TMEM94: variants seen among roughly 807,000 people sequenced by gnomAD.
The protein encoded by TMEM94 is transmembrane protein 94.
In TMEM94, 81 loss-of-function variants were observed where a neutral mutation model predicts 158.6. The ratio of observed to expected loss-of-function variants is 0.51; its 90% confidence interval spans 0.43 to 0.61. TMEM94 has a LOEUF of 0.61. Ranked by LOEUF, TMEM94 falls within the 20% of genes least tolerant of loss-of-function variation. The pLI is 0.00. For missense variants in TMEM94, 1,435 were observed against 1,762.0 expected (o/e 0.81, Z 3.32); for synonymous variants, 751 against 730.7 (o/e 1.03, Z -0.45).
intron 2 of TMEM94, among the ~76,000 whole-genome samples, chr17:75,484,469 G>A (rs1216567856): frequency 6.6e-6 from 1 of 151,990 alleles, no homozygotes; most frequent in East Asian, 2.0e-4. Context: ...CACAATCACA[G>A]CTCACTACGA....
chr17:75,458,529 A>C (rs370503662), intron 1 of TMEM94, among the ~76,000 whole-genome samples: 7 of 151,796 alleles, frequency 4.6e-5, no homozygotes, highest in African/African-American at 1.7e-4. Flanking sequence ...CACTGACAAG[A>C]AAACCAAAAA....
chr17:75,483,530 G>T (rs1178354020), intron 2 of TMEM94, among the ~76,000 whole-genome samples: 2 of 149,348 alleles, frequency 1.3e-5, no homozygotes, highest in Non-Finnish European at 3.0e-5. Context: ...GCGTGATCTT[G>T]GCTCACTGCA....
chr17:75,462,011 G>GTTTTTTTTTTT (rs1156728166), intron 1 of TMEM94, among the ~76,000 whole-genome samples: 11 of 92,864 alleles, frequency 1.2e-4, no homozygotes, highest in African/African-American at 5.5e-4. Context: ...GTTTTGTTTT[G>GTTTTTTTTTTT]TTTTTTTTTT....
Position 75,495,851 on chromosome 17 carries a change from T to C in TMEM94, c.2945-115T>C. On this transcript the variant is annotated intron_variant, in intron 22 of 31. Transcript: ENST00000314256. This position sits in a 1 kb window ranked among gnomAD's most constrained non-coding sequence, Gnocchi z 5.6. ...TCCCGCTGCCGGGGGTGGGATTGTT[T>C]CAAAGAGGGGCCCACCTCCCATCGC... 1.2e-6 allele frequency: 1 copy of C among 859,422 alleles called. No individual in the cohort carries two copies. Among genetic ancestry groups the C allele is most frequent in the Admixed American group, 2.2e-5 (1 of 44,522 alleles). 53.2% of individuals were successfully genotyped at this position (859,422 alleles called of 1,614,324 possible). A position where few individuals can be genotyped will look rare whatever the true frequency, so the allele number is the denominator to read the frequency against.
chr17:75,499,165 T>C (rs1312972542), intron 31 of TMEM94, 83 bp downstream of exon 31: 1 of 1,589,072 alleles, frequency 6.3e-7, no homozygotes, highest in African/African-American at 1.3e-5. Context: ...TCCCCCACCT[T>C]TCCGCTGCCC....
rs773641853 is a variant in TMEM94, at chr17:75,498,706, G to C, written c.3811G>C (p.Val1271Leu). ...CCCCTTGACCAACCTCTGGTGGGCC[G>C]TGACAGTGCCTGTGGTGTGAGTATT... The part of the protein sequence containing the change: ...KSPLTNLWWA[V>L]TVPVVLLGQV... The change falls in exon 30 of 32, where the codon GTG becomes CTG. Residue 1271 changes from valine to leucine, a missense_variant. By Grantham distance (32) the Val-to-Leu change is conservative (BLOSUM62 1). Around this residue, in one of 3 missense-constraint regions of TMEM94, gnomAD observed 335 missense variants for 409.1 expected, o/e 0.82. Transcript: ENST00000314256. This position sits in a 1 kb window ranked among gnomAD's most constrained non-coding sequence, Gnocchi z 6.7. The C allele has an allele frequency of 6.4e-7, 1 of 1,571,366 alleles. No individual in the cohort carries two copies. The highest frequency in any genetic ancestry group is 2.2e-5 in the East Asian group (1 of 44,546).
chr17:75,472,515 G>A (rs2050538272), intron 2 of TMEM94, among the ~76,000 whole-genome samples: 1 of 152,212 alleles, frequency 6.6e-6, no homozygotes, highest in East Asian at 1.9e-4. Flanking sequence ...AAGTCCTTTT[G>A]TCTCTTGCCT....
intron 2 of TMEM94, among the ~76,000 whole-genome samples, chr17:75,481,049 G>A (rs140767172): frequency 1.3e-5 from 2 of 152,198 alleles, no homozygotes; most frequent in South Asian, 2.1e-4. Context: ...AGGAACAGAC[G>A]TCCATGCCCA....
chr17:75,494,810 T>G lies in TMEM94; in HGVS notation c.2589+2T>G, dbSNP rs1598427258. On this transcript the variant is annotated splice_donor_variant, in intron 19 of 31. Coordinates refer to ENST00000314256, the MANE Select transcript of TMEM94 (RefSeq NM_014738.6). LOFTEE classifies it high-confidence loss of function. ...TTGGAGGATGAGCTCAAAAGCAAGG[T>G]GGGGAGAGCCATCCCTTCTGCCACC... is the stretch of plus-strand genomic sequence containing the variant. 2 of 1,613,314 alleles carry G rather than the reference T, an allele frequency of 1.2e-6. No homozygotes were observed. The highest frequency in any genetic ancestry group is 1.6e-4 in the Middle Eastern group (1 of 6,062).
chr17:75,460,727 G>T (rs1340658429), intron 1 of TMEM94, among the ~76,000 whole-genome samples: 1 of 152,036 alleles, frequency 6.6e-6, no homozygotes, highest in East Asian at 1.9e-4. Flanking sequence ...GCCCAGGCTG[G>T]TCTCAAACTC....
Position 75,495,280 on chromosome 17 carries a change from A to G in TMEM94, c.2729-4A>G, listed in dbSNP as rs11650485. ...AGGTGAGGGAGAGGCTTTTGTCCCCACAGTGTCCCGAGATGATGCAGAAGG... is the reference window on the plus strand; with the variant it reads ...AGGTGAGGGAGAGGCTTTTGTCCCCGCAGTGTCCCGAGATGATGCAGAAGG... On this transcript the variant is annotated splice_polypyrimidine_tract_variant and splice_region_variant and intron_variant, in intron 20 of 31. Transcript: ENST00000314256. This position sits in a 1 kb window ranked among gnomAD's most constrained non-coding sequence, Gnocchi z 5.6. 821 of 1,596,574 alleles carry G rather than the reference A, an allele frequency of 5.1e-4. 18 individuals carry two copies. The East Asian group carries it at 0.018, about 36-fold the overall frequency.
At position 75,487,635 on chromosome 17, in the gene TMEM94, A is replaced by G. The variant is rs573585349; in HGVS notation, c.410-297A>G. On this transcript the variant is annotated intron_variant, in intron 5 of 31. Coordinates refer to ENST00000314256, the MANE Select transcript of TMEM94 (RefSeq NM_014738.6). This position sits in a 1 kb window ranked among gnomAD's most constrained non-coding sequence, Gnocchi z 4.6. ...AGCTATGTTGTTGTCTCCACCTTGC[A>G]CCCCTCACAGGCCCTCTGCAATGTT... is the stretch of plus-strand genomic sequence containing the variant. Among the ~76,000 whole-genome samples, 1 of 152,082 alleles carries G rather than the reference A, an allele frequency of 6.6e-6. No individual in the cohort carries two copies. Among genetic ancestry groups the G allele is most frequent in the East Asian group, 1.9e-4 (1 of 5,174 alleles).
chr17:75,496,545 C>T, intron 24 of TMEM94, 74 bp downstream of exon 24: 2 of 1,525,396 alleles, frequency 1.3e-6, no homozygotes, highest in Non-Finnish European at 1.8e-6. Flanking sequence ...CAGCAAAGGA[C>T]CTGTTTGAAC....
At chr17:75,469,757 C>T (rs1002850670) in intron 1 of TMEM94, among the ~76,000 whole-genome samples, 31 of 151,834 alleles carry the variant, frequency 2.0e-4, no homozygotes, top group Admixed American at 2.0e-4. Context: ...TCATGACCAG[C>T]CTGAGCAACA....
rs748014548 is a variant in TMEM94 at position 75,490,695 on chromosome 17, C to T, written c.1072-7C>T. On this transcript the variant is annotated splice_polypyrimidine_tract_variant and splice_region_variant and intron_variant, in intron 10 of 31. Coordinates refer to ENST00000314256, the MANE Select transcript of TMEM94 (RefSeq NM_014738.6). ...CTCACTGAGGACCTCACCCTCTCTCCGTGCAGCTGGCTAAGTTCTCAGAGG... is the reference window on the plus strand; with the variant it reads ...CTCACTGAGGACCTCACCCTCTCTCTGTGCAGCTGGCTAAGTTCTCAGAGG... 94 of 1,613,698 alleles carry T rather than the reference C, an allele frequency of 5.8e-5. 1 individual carries two copies. Among genetic ancestry groups the T allele is most frequent in the Middle Eastern group, 4.9e-4 (3 of 6,084 alleles).
rs1341907274 is a variant in TMEM94, at chr17:75,491,138, C to T, written c.1218C>T (p.Ser406=). Residue 406 remains serine (S), a synonymous_variant, in exon 12 of 32, where the codon AGC becomes AGT. Coordinates refer to ENST00000314256, the MANE Select transcript of TMEM94 (RefSeq NM_014738.6). This position sits in a 1 kb window ranked among gnomAD's most constrained non-coding sequence, Gnocchi z 5.1. The part of the protein sequence containing the change: ...TLSHSSSLLH[S]LGSVTVLCCV... ...GCCACAGTTCCAGCCTGCTGCACAG[C>T]CTGGGCTCTGTCACGGTGAGGGTGG... The T allele has an allele frequency of 6.2e-7, 1 of 1,611,250 alleles. No homozygotes were observed. The highest frequency in any genetic ancestry group is 2.2e-5 in the East Asian group (1 of 44,826).
At chr17:75,478,236 C>T (rs1423719864) in intron 2 of TMEM94, among the ~76,000 whole-genome samples, 1 of 140,122 alleles carries the variant, frequency 7.1e-6, no homozygotes, top group Non-Finnish European at 1.5e-5. Flanking sequence ...CCGGGATGGT[C>T]TCGATCTCCT....
Position 75,463,178 on chromosome 17 carries a change from G to GTGTGTATATA in TMEM94, c.-107+6428_-107+6429insGTGTATATAT, listed in dbSNP as rs1180723796. On this transcript the variant is annotated intron_variant, in intron 1 of 31. Transcript: ENST00000314256. The stretch of plus-strand genomic sequence containing the variant: ...TATATATATGTGTGTGTGTGTGTGT[G>GTGTGTATATA]TATATATATATATATATATACAGTT... Among the ~76,000 whole-genome samples, 37 of 15,082 alleles carry GTGTGTATATA rather than the reference G, an allele frequency of 2.5e-3. 1 individual carries two copies. Among genetic ancestry groups the GTGTGTATATA allele is most frequent in the African/African-American group, 5.0e-3 (30 of 6,060 alleles). The allele number at this position is 15,082 out of a possible 152,430, so 9.9% of individuals were successfully genotyped here. A position where few individuals can be genotyped will look rare whatever the true frequency, so the allele number is the denominator to read the frequency against.
intron 1 of TMEM94, among the ~76,000 whole-genome samples, chr17:75,461,400 T>C (rs939040121): frequency 6.6e-6 from 1 of 152,004 alleles, no homozygotes; most frequent in African/African-American, 2.4e-5. Context: ...GTGTCCAGCC[T>C]GAAGTTGCTG....
Sources: allele counts gnomAD v4.1 joint callset (sites outside exome capture counted in the v4.1 genomes callset), GRCh38; gene constraint gnomAD v4.1.1; regional missense constraint gnomAD v4.1.1; non-coding constraint Gnocchi (gnomAD v3.1); transcripts MANE v1.5; gene names NCBI Gene and HGNC (gene_info 2026-07-23, HGNC 2026-07-21).